Variants in RCN2 observed in about 807,000 individuals in gnomAD.
The protein encoded by RCN2 is reticulocalbin 2, also known as reticulocalbin-2.
A neutral mutation model predicts 37.5 loss-of-function variants in RCN2; 23 were observed. That is an observed-to-expected ratio of 0.61 (90% CI 0.44 to 0.87). RCN2 has a LOEUF of 0.87. Ranked by LOEUF, RCN2 falls within the 40% of genes least tolerant of loss-of-function variation. RCN2 has a pLI of 0.00. For missense variants in RCN2, 381 were observed against 390.4 expected, an observed-to-expected ratio of 0.98 and a Z score of 0.20; for synonymous variants, 140 against 144.6, an observed-to-expected ratio of 0.97 and a Z score of 0.23.
chr15:76,935,188 G>A (rs112814809), intron 2 of RCN2, among the ~76,000 whole-genome samples: 7,269 of 152,200 alleles, frequency 0.048, 518 homozygotes, highest in African/African-American at 0.15. Flanking sequence ...GCCGGGTGTG[G>A]TGGCACATGC....
At chr15:76,947,614 T>G in intron 5 of RCN2, 97 bp downstream of exon 5, 1 of 778,132 alleles carries the variant, frequency 1.3e-6, no homozygotes, top group Admixed American at 2.4e-5. Flanking sequence ...ACAGGAAATG[T>G]AATGAGGATC....
rs2075309460 is a variant in RCN2, at chr15:76,949,289, T to C, written c.*67T>C. The C allele has an allele frequency of 9.0e-7, 1 of 1,106,798 alleles. No homozygotes were observed. The highest frequency in any genetic ancestry group is 1.2e-6 in the Non-Finnish European group (1 of 805,006). The allele number at this position is 1,106,798 out of a possible 1,614,324, so 68.6% of individuals were successfully genotyped here. A position where few individuals can be genotyped will look rare whatever the true frequency, so the allele number is the denominator to read the frequency against. On this transcript the variant is annotated 3_prime_UTR_variant, in exon 7 of 7. Coordinates refer to ENST00000394885, the MANE Select transcript of RCN2 (RefSeq NM_002902.3). ...TTTGTTACCAGCTTTACTTTTGTGA[T>C]AAAATATTGATGTTGTATTTTACAC... is the stretch of plus-strand genomic sequence containing the variant.
In RCN2 at chr15:76,954,299, G is replaced by A. The variant is rs1359626770; in HGVS notation, c.*5077G>A. The stretch of plus-strand genomic sequence containing the variant: ...CTTTTTCACTTAGGAAGATGATTTA[G>A]GAAAGCCACTTAGAGTAAAAGTTTT... On this transcript the variant is annotated 3_prime_UTR_variant, in exon 7 of 7. Transcript: ENST00000394885. 2.0e-5 allele frequency: 3 copies of A among 152,012 alleles called. No individual in the cohort carries two copies. Among genetic ancestry groups the A allele is most frequent in the East Asian group, 1.9e-4 (1 of 5,186 alleles). 9.4% of individuals were successfully genotyped at this position (152,012 alleles called of 1,614,324 possible). A position where few individuals can be genotyped will look rare whatever the true frequency, so the allele number is the denominator to read the frequency against.
chr15:76,932,221 G>C (rs1037969990), intron 1 of RCN2, 140 bp from the exon 2 acceptor site: 2 of 753,484 alleles, frequency 2.7e-6, no homozygotes, highest in East Asian at 5.4e-5. Flanking sequence ...GGTGTGTAGG[G>C]GGTAGGGGCC....
At chr15:76,944,085 C>G (rs1049328535) in intron 4 of RCN2, among the ~76,000 whole-genome samples, 4 of 149,666 alleles carry the variant, frequency 2.7e-5, no homozygotes, top group Non-Finnish European at 5.9e-5. Context: ...CTCCGCCTCC[C>G]GTGTTCACGC....
intron 3 of RCN2, chr15:76,942,995 T>C (rs561249066): frequency 2.0e-5 from 3 of 152,322 alleles, no homozygotes; most frequent in Non-Finnish European, 4.4e-5. Context: ...TATACTAATA[T>C]TATGAGATTC....
intron 4 of RCN2, 152 bp from the exon 5 acceptor site, chr15:76,947,269 C>T (rs567442268): frequency 1.8e-5 from 10 of 542,486 alleles, no homozygotes; most frequent in Admixed American, 7.3e-5. Context: ...GTGATTTTTC[C>T]TGTATAAGTA....
intron 4 of RCN2, among the ~76,000 whole-genome samples, chr15:76,946,422 C>T (rs1267066740): frequency 6.6e-6 from 1 of 151,062 alleles, no homozygotes; most frequent in Non-Finnish European, 1.5e-5. Context: ...GCTCTCTAGC[C>T]TGGGTGACAG....
At chr15:76,932,118 G>C (rs1439034223) in intron 1 of RCN2, 133 bp downstream of exon 1, 1 of 909,342 alleles carries the variant, frequency 1.1e-6, no homozygotes, top group Non-Finnish European at 1.5e-6. Flanking sequence ...CGGGCGGCGC[G>C]GCACTCGCTC....
At chr15:76,934,333 G>C (rs543424913) in intron 2 of RCN2, among the ~76,000 whole-genome samples, 1 of 151,998 alleles carries the variant, frequency 6.6e-6, no homozygotes, top group African/African-American at 2.4e-5. Flanking sequence ...TAGTAGAGAC[G>C]GGGTTTTACC....
At chr15:76,933,534 C>T (rs772486830) in intron 2 of RCN2, among the ~76,000 whole-genome samples, 29 of 152,262 alleles carry the variant, frequency 1.9e-4, no homozygotes, top group Admixed American at 1.2e-3. Flanking sequence ...TGGAAGACTG[C>T]GTGGTACCTA....
rs551896652 is a variant in RCN2 at position 76,950,957 on chromosome 15, A to G, written c.*1735A>G. The G allele has an allele frequency of 5.1e-4, 77 of 152,170 alleles. No homozygotes were observed. The highest frequency in any genetic ancestry group is 9.6e-4 in the Non-Finnish European group (65 of 68,038). The allele number at this position is 152,170 out of a possible 1,614,324, so 9.4% of individuals were successfully genotyped here. A position where few individuals can be genotyped will look rare whatever the true frequency, so the allele number is the denominator to read the frequency against. ...TTAATGACTGCTTGCTTGGGTATCT[A>G]CATGGTTTTCATTTTAACCTACACT... On this transcript the variant is annotated 3_prime_UTR_variant, in exon 7 of 7. Coordinates refer to ENST00000394885, the MANE Select transcript of RCN2 (RefSeq NM_002902.3).
At chr15:76,941,659 A>G (rs1171878356) in intron 3 of RCN2, 33 of 1,506,452 alleles carry the variant, frequency 2.2e-5, no homozygotes, top group Non-Finnish European at 2.8e-5. Context: ...TGTAAAAAAC[A>G]GTCTTTCTGT....
chr15:76,932,128 C>G (rs2075225980), intron 1 of RCN2, 143 bp downstream of exon 1: 1 of 868,770 alleles, frequency 1.2e-6, no homozygotes, highest in Non-Finnish European at 1.6e-6. Context: ...GGCACTCGCT[C>G]TCTGGGGGTC....
At chr15:76,937,003 C>G (rs530051679) in intron 3 of RCN2, among the ~76,000 whole-genome samples, 40 of 152,298 alleles carry the variant, frequency 2.6e-4, no homozygotes, top group Middle Eastern at 3.4e-3. Context: ...TTTGGCTACT[C>G]TAGGTACCTC....
chr15:76,941,380 T>C (rs566642047), intron 3 of RCN2: 2 of 294,762 alleles, frequency 6.8e-6, no homozygotes, highest in Admixed American at 5.0e-5. Flanking sequence ...CTAATCAGAA[T>C]TTTTAATGCC....
Position 76,931,938 on chromosome 15 carries a change from G to T in RCN2, c.97G>T (p.Gly33Cys). ...GGCCGAGGAGCTGCACTACCCGCTG[G>T]GCGAGCGCCGCAGCGACTACGACCG... ...GKAEELHYPL[G>C]ERRSDYDREA... Residue 33 changes from glycine to cysteine, a missense_variant, in exon 1 of 7, where the codon GGC (glycine) becomes TGC (cysteine). Gly to Cys is a radical substitution (Grantham distance 159). Transcript: ENST00000394885. The T allele has an allele frequency of 7.7e-7, 1 of 1,300,224 alleles. No individual in the cohort carries two copies. Among genetic ancestry groups the T allele is most frequent in the Non-Finnish European group, 9.7e-7 (1 of 1,027,548 alleles). The allele number at this position is 1,300,224 out of a possible 1,614,324, so 80.5% of individuals were successfully genotyped here.
chr15:76,932,413 T>C lies in RCN2; in HGVS notation c.197T>C (p.Leu66Pro). Reference sequence around the variant, plus strand: ...GGCCACGAAGAGCAGCAAAAAAGACTGCAGGCGATCATAAAGAAAATCGAC... The same window carrying C: ...GGCCACGAAGAGCAGCAAAAAAGACCGCAGGCGATCATAAAGAAAATCGAC... ...KLGHEEQQKR[L>P]QAIIKKIDLD... The change falls in exon 2 of 7, where the codon CTG becomes CCG. Residue 66 changes from leucine to proline, a missense_variant. Coordinates refer to ENST00000394885, the MANE Select transcript of RCN2 (RefSeq NM_002902.3). 6.2e-7 allele frequency: 1 copy of C among 1,614,016 alleles called. No individual in the cohort carries two copies. The highest frequency in any genetic ancestry group is 8.5e-7 in the Non-Finnish European group (1 of 1,179,924).
intron 3 of RCN2, 36 bp from the exon 4 acceptor site, chr15:76,943,722 A>T (rs1025855166): frequency 3.8e-6 from 4 of 1,057,544 alleles, no homozygotes; most frequent in Non-Finnish European, 4.3e-6. Flanking sequence ...ATTTAAAATG[A>T]TGTGGTATAC....
Sources: allele counts gnomAD v4.1 joint callset (sites outside exome capture counted in the v4.1 genomes callset), GRCh38; gene constraint gnomAD v4.1.1; transcripts MANE v1.5; gene names NCBI Gene and HGNC (gene_info 2026-07-23, HGNC 2026-07-21).